NPAS3: variants seen among roughly 807,000 people sequenced by gnomAD.
The protein encoded by NPAS3 is neuronal PAS domain-containing protein 3.
In NPAS3, 14 loss-of-function variants were observed where a neutral mutation model predicts 73.1. That is an observed-to-expected ratio of 0.19 (90% CI 0.13 to 0.30). NPAS3 has a LOEUF of 0.30. NPAS3 is among the 10% of genes least tolerant of loss of function. NPAS3 has a pLI of 1.00. For missense variants in NPAS3, 1,096 were observed against 1,250.0 expected, an observed-to-expected ratio of 0.88 and a Z score of 1.86; for synonymous variants, 620 against 541.5, an observed-to-expected ratio of 1.14 and a Z score of -2.01.
At chr14:33,671,901 G>A (rs2059619135) in intron 5 of NPAS3, among the ~76,000 whole-genome samples, 2 of 151,970 alleles carry the variant, frequency 1.3e-5, no homozygotes. Context: ...CTAATCAGAA[G>A]AACACATTAT....
chr14:33,438,986 C>T (rs970479150), intron 4 of NPAS3, among the ~76,000 whole-genome samples: 3 of 151,978 alleles, frequency 2.0e-5, no homozygotes, highest in Non-Finnish European at 4.4e-5. Flanking sequence ...GTGCTAAGGT[C>T]GGACATGTGA....
At chr14:33,501,635 T>G (rs540493529) in intron 4 of NPAS3, among the ~76,000 whole-genome samples, 19 of 151,602 alleles carry the variant, frequency 1.3e-4, no homozygotes, top group South Asian at 6.2e-4. Context: ...GATTTGTTTT[T>G]TTTTTTTTTA....
At chr14:33,066,586 A>G (rs2041288943) in intron 2 of NPAS3, among the ~76,000 whole-genome samples, 1 of 152,204 alleles carries the variant, frequency 6.6e-6, no homozygotes, top group African/African-American at 2.4e-5. Context: ...CACTTGTACC[A>G]CAAATACCTT....
chr14:33,388,472 T>G (rs370313447), intron 4 of NPAS3, among the ~76,000 whole-genome samples: 3 of 150,916 alleles, frequency 2.0e-5, no homozygotes, highest in Non-Finnish European at 4.4e-5. Context: ...TTTGGAAATA[T>G]GATTGGGATT....
At position 33,506,359 on chromosome 14, in the gene NPAS3, A is replaced by T. The variant is rs192869442; in HGVS notation, c.469-53762A>T. 1.1e-3 allele frequency among the ~76,000 whole-genome samples: 160 copies of T among 151,596 alleles called. 3 individuals carry two copies. In the East Asian group the frequency reaches 0.029, roughly 28 times the overall value. On this transcript the variant is annotated intron_variant, in intron 4 of 11. Transcript: ENST00000356141. ...TTCCTTAAAGGTATATAAATATATG[A>T]CTTTCTGCAATTTGCAATGCTGCCC...
intron 3 of NPAS3, among the ~76,000 whole-genome samples, chr14:33,355,887 G>A (rs7141156): frequency 0.3 from 45,231 of 151,954 alleles, 6,754 homozygotes; most frequent in Middle Eastern, 0.39. Flanking sequence ...TGCTGCTTAT[G>A]TGGAGATGTG....
At chr14:33,471,959 C>T (rs1375456772) in intron 4 of NPAS3, among the ~76,000 whole-genome samples, 2 of 152,232 alleles carry the variant, frequency 1.3e-5, no homozygotes, top group Non-Finnish European at 2.9e-5. Flanking sequence ...TTGTGAACTA[C>T]ACATGTGAGG....
chr14:33,109,873 C>A (rs1056383402), intron 2 of NPAS3, among the ~76,000 whole-genome samples: 4 of 128,140 alleles, frequency 3.1e-5, no homozygotes, highest in Non-Finnish European at 6.3e-5. Flanking sequence ...CTGGAGTGCA[C>A]TTCACTGCAA....
chr14:33,121,215 T>C (rs1195168113), intron 2 of NPAS3, among the ~76,000 whole-genome samples: 3 of 152,140 alleles, frequency 2.0e-5, no homozygotes, highest in African/African-American at 7.2e-5. Flanking sequence ...TTCATGGCCT[T>C]GCGATGCTAC....
At chr14:33,799,666 C>G (rs971781662) in intron 11 of NPAS3, 68 bp from the exon 12 acceptor site, 2 of 1,527,556 alleles carry the variant, frequency 1.3e-6, no homozygotes, top group South Asian at 1.2e-5. Context: ...TGGGTCGCCC[C>G]GCTAACCTGG....
At chr14:33,787,298 T>C (rs1207419273) in intron 9 of NPAS3, among the ~76,000 whole-genome samples, 1 of 152,202 alleles carries the variant, frequency 6.6e-6, no homozygotes, top group Non-Finnish European at 1.5e-5. Flanking sequence ...GAATTTATTT[T>C]TTAAGCTTAA....
intron 9 of NPAS3, among the ~76,000 whole-genome samples, chr14:33,787,030 A>G (rs186442338): frequency 1.9e-4 from 28 of 143,748 alleles, no homozygotes; most frequent in Admixed American, 1.2e-3. Flanking sequence ...ACCGCTTCTC[A>G]TTTATATAAC....
At chr14:33,186,031 G>A (rs1004975903) in intron 2 of NPAS3, among the ~76,000 whole-genome samples, 6 of 152,136 alleles carry the variant, frequency 3.9e-5, no homozygotes, top group Admixed American at 1.3e-4. Flanking sequence ...CAAGGTAGTT[G>A]CAATCAGAAT....
At chr14:33,173,871 T>C (rs1290796140) in intron 2 of NPAS3, among the ~76,000 whole-genome samples, 1 of 152,230 alleles carries the variant, frequency 6.6e-6, no homozygotes, top group Non-Finnish European at 1.5e-5. Context: ...GGTAATTCTG[T>C]TGTATTAAAA....
chr14:33,461,430 A>G (rs1437701665), intron 4 of NPAS3, among the ~76,000 whole-genome samples: 1 of 152,208 alleles, frequency 6.6e-6, no homozygotes, highest in East Asian at 1.9e-4. Context: ...ATGGCATTCT[A>G]CAGGCTTGTT....
At chr14:33,147,730 A>AAAAATATATAT (rs372663411) in intron 2 of NPAS3, among the ~76,000 whole-genome samples, 1 of 130,388 alleles carries the variant, frequency 7.7e-6, no homozygotes, top group African/African-American at 3.2e-5. Context: ...TAGAATAAAA[A>AAAAATATATAT]ATATATATAT....
chr14:33,342,080 G>A (rs148350841), intron 3 of NPAS3, among the ~76,000 whole-genome samples: 44 of 152,122 alleles, frequency 2.9e-4, no homozygotes, highest in African/African-American at 3.9e-4. Context: ...TGTCTTCCAC[G>A]TGTCCTGACA....
At chr14:33,726,132 T>C (rs1316963924) in intron 6 of NPAS3, among the ~76,000 whole-genome samples, 1 of 152,160 alleles carries the variant, frequency 6.6e-6, no homozygotes, top group African/African-American at 2.4e-5. Context: ...CAAGTCTCTA[T>C]TTTCACCCCC....
In NPAS3 at chr14:33,519,327, C is replaced by G. The variant is rs147635236; in HGVS notation, c.469-40794C>G. Among the ~76,000 whole-genome samples the G allele has an allele frequency of 3.4e-3, 522 of 151,984 alleles. 3 individuals are homozygous for G. The highest frequency in any genetic ancestry group is 0.012 in the African/African-American group (497 of 41,534). On this transcript the variant is annotated intron_variant, in intron 4 of 11. Coordinates refer to ENST00000356141, the Ensembl canonical transcript of NPAS3. ...CTTTGTCTGATTGTTTCCTACTCTT[C>G]TCGTGCCCAGCTTCCCCTCTGCTTC...
Sources: gnomAD v4.1 joint callset for allele counts (sites outside exome capture counted in the v4.1 genomes callset) on GRCh38, gnomAD v4.1.1 for gene constraint, MANE v1.5 for transcripts, NCBI Gene and HGNC (gene_info 2026-07-23, HGNC 2026-07-21) for gene names.